KCNIP1: variants seen among roughly 807,000 people sequenced by gnomAD.
KCNIP1 encodes A-type potassium channel modulatory protein KCNIP1.
A neutral mutation model predicts 33.0 loss-of-function variants in KCNIP1; 18 were observed. The observed-to-expected ratio is 0.55, with a 90% CI of 0.38 to 0.81. KCNIP1 has a LOEUF of 0.81. KCNIP1 is among the 30% of genes least tolerant of loss of function. KCNIP1 has a pLI of 0.00. For missense variants in KCNIP1, 238 were observed against 271.6 expected (o/e 0.88, Z 0.87); for synonymous variants, 93 against 98.3 (o/e 0.95, Z 0.32).
intron 1 of KCNIP1, among the ~76,000 whole-genome samples, chr5:170,553,512 A>C (rs1041228701): frequency 1.3e-5 from 2 of 152,122 alleles, no homozygotes; most frequent in Non-Finnish European, 2.9e-5. Flanking sequence ...TAGGCTGTAC[A>C]TGATACCACC....
intron 1 of KCNIP1, chr5:170,389,775 C>T (rs1764642177): frequency 6.6e-6 from 1 of 152,236 alleles, no homozygotes; most frequent in Non-Finnish European, 1.5e-5. Flanking sequence ...CAGCTCCCTG[C>T]CTTTGGCACT....
intron 1 of KCNIP1, chr5:170,378,317 G>T (rs1473369035): frequency 5.5e-6 from 1 of 182,644 alleles, no homozygotes; most frequent in Non-Finnish European, 1.1e-5. Flanking sequence ...GCTCGCTGGG[G>T]ACAGCTTCTG....
At chr5:170,646,850 C>A (rs1329469896) in intron 1 of KCNIP1, among the ~76,000 whole-genome samples, 1 of 151,982 alleles carries the variant, frequency 6.6e-6, no homozygotes, top group Non-Finnish European at 1.5e-5. Context: ...AAAGAATCAA[C>A]AACAAAAACA....
chr5:170,481,568 C>G (rs557265903), intron 1 of KCNIP1, among the ~76,000 whole-genome samples: 1 of 152,218 alleles, frequency 6.6e-6, no homozygotes, highest in African/African-American at 2.4e-5. Flanking sequence ...ACATTTTAAC[C>G]CTTCATCCAA....
intron 1 of KCNIP1, among the ~76,000 whole-genome samples, chr5:170,418,472 C>G (rs972627461): frequency 2.0e-5 from 3 of 152,164 alleles, no homozygotes; most frequent in Non-Finnish European, 4.4e-5. Flanking sequence ...TTCTCCAGCC[C>G]TTGCCTCCTC....
At chr5:170,683,620 A>T (rs1240199625) in intron 1 of KCNIP1, among the ~76,000 whole-genome samples, 1 of 152,182 alleles carries the variant, frequency 6.6e-6, no homozygotes, top group Non-Finnish European at 1.5e-5. Flanking sequence ...ATACACCAGG[A>T]CCAATGTAAT....
chr5:170,597,784 A>AATAAATAAATAT (rs1433551163), intron 1 of KCNIP1, among the ~76,000 whole-genome samples: 5 of 134,456 alleles, frequency 3.7e-5, no homozygotes, highest in African/African-American at 1.5e-4. Context: ...GAGAGAGATA[A>AATAAATAAATAT]ATATATATAT....
At chr5:170,501,594 T>C (rs34806332), upstream of KCNIP1, among the ~76,000 whole-genome samples, 62,858 of 152,076 alleles carry the variant, frequency 0.41, 13,208 homozygotes, top group East Asian at 0.58. Context: ...GCTTCTTCAG[T>C]GGGTTGTGGG....
intron 1 of KCNIP1, among the ~76,000 whole-genome samples, chr5:170,708,464 A>G (rs990153485): frequency 6.6e-6 from 1 of 152,236 alleles, no homozygotes; most frequent in Admixed American, 6.5e-5. Flanking sequence ...CAGCTCAAGT[A>G]TGTCATGTTC....
In KCNIP1 at chr5:170,620,780, G is replaced by C. The variant is rs546461462; in HGVS notation, c.62-97978G>C. Among the ~76,000 whole-genome samples, 13 of 152,286 alleles carry C rather than the reference G, an allele frequency of 8.5e-5. No homozygotes were observed. In the South Asian group the frequency reaches 2.7e-3, roughly 32 times the overall value. ...GAGCATGTCAAGATTTTTGTGAGCCGATTTAGGAGATGCAAATTCATTTGC... is the reference window on the plus strand; with the variant it reads ...GAGCATGTCAAGATTTTTGTGAGCCCATTTAGGAGATGCAAATTCATTTGC... On this transcript the variant is annotated intron_variant, in intron 1 of 7. Transcript: ENST00000328939.
At chr5:170,400,545 T>C (rs1057054705) in intron 1 of KCNIP1, among the ~76,000 whole-genome samples, 8 of 152,198 alleles carry the variant, frequency 5.3e-5, no homozygotes, top group Non-Finnish European at 1.0e-4. Context: ...CCTAGCCATA[T>C]CATTCCTCTT....
At chr5:170,426,268 CACACAA>C (rs1254324042) in intron 1 of KCNIP1, among the ~76,000 whole-genome samples, 11 of 151,596 alleles carry the variant, frequency 7.3e-5, no homozygotes, top group African/African-American at 2.7e-4. Context: ...CACACACACA[CACACAA>C]ACACACACAC....
chr5:170,535,439 T>G (rs1369821315), intron 1 of KCNIP1, among the ~76,000 whole-genome samples: 1 of 151,380 alleles, frequency 6.6e-6, no homozygotes, highest in Non-Finnish European at 1.5e-5. Flanking sequence ...AACTGGGGAG[T>G]GTACATTTAT....
chr5:170,633,714 G>GC (rs1491467545), intron 1 of KCNIP1, among the ~76,000 whole-genome samples: 1 of 22,528 alleles, frequency 4.4e-5, no homozygotes, highest in Non-Finnish European at 8.7e-5. Context: ...GCGAGGGGGC[G>GC]GGGGGGCGGA....
intron 1 of KCNIP1, among the ~76,000 whole-genome samples, chr5:170,583,018 G>A (rs929246890): frequency 1.3e-5 from 2 of 152,172 alleles, no homozygotes; most frequent in African/African-American, 4.8e-5. Flanking sequence ...CTCCTGAGAA[G>A]TTGCCTACAC....
At chr5:170,385,435 GCTT>G in intron 1 of KCNIP1, 1 of 1,614,160 alleles carries the variant, frequency 6.2e-7, no homozygotes, top group Non-Finnish European at 8.5e-7. Context: ...GCCATCACCA[GCTT>G]CTTCACCATA....
chr5:170,610,723 C>A (rs1404803995), intron 1 of KCNIP1, among the ~76,000 whole-genome samples: 1 of 152,182 alleles, frequency 6.6e-6, no homozygotes, highest in Non-Finnish European at 1.5e-5. Context: ...GGCTAACAGA[C>A]CGTATGCTTA....
At chr5:170,454,907 C>G (rs542073788) in intron 1 of KCNIP1, among the ~76,000 whole-genome samples, 2 of 151,996 alleles carry the variant, frequency 1.3e-5, no homozygotes, top group East Asian at 3.9e-4. Flanking sequence ...AGAGATAAAC[C>G]TGGAGTAGCT....
At chr5:170,485,046 T>C (rs1757058200) in intron 1 of KCNIP1, among the ~76,000 whole-genome samples, 1 of 149,588 alleles carries the variant, frequency 6.7e-6, no homozygotes, top group Non-Finnish European at 1.5e-5. Context: ...TTTCAAGCAA[T>C]TCTCTTGCCT....
Sources: gnomAD v4.1 joint callset for allele counts (sites outside exome capture counted in the v4.1 genomes callset) on GRCh38, gnomAD v4.1.1 for gene constraint, MANE v1.5 for transcripts, NCBI Gene and HGNC (gene_info 2026-07-23, HGNC 2026-07-21) for gene names.